VPS13D: variants seen among roughly 807,000 people sequenced by gnomAD.
The protein encoded by VPS13D is vacuolar protein sorting 13 homolog D.
In VPS13D, 187 loss-of-function variants were observed where a neutral mutation model predicts 461.9. That is an observed-to-expected ratio of 0.40 (90% CI 0.36 to 0.46). The LOEUF (loss-of-function observed/expected upper bound fraction) is 0.46, where lower values mean the gene tolerates loss of function less well. Among genes scored for constraint, VPS13D ranks in the 20% least tolerant of loss-of-function variants. The pLI is 0.60. For missense variants in VPS13D, 4,711 were observed against 5,364.9 expected (o/e 0.88, Z 3.81); for synonymous variants, 1,951 against 1,986.3 (o/e 0.98, Z 0.47).
At position 12,314,294 on chromosome 1, in the gene VPS13D, C is replaced by T; in HGVS notation, c.7115C>T (p.Thr2372Ile). 3 of 1,614,178 alleles carry T rather than the reference C, an allele frequency of 1.9e-6. No homozygotes were observed. Among genetic ancestry groups the T allele is most frequent in the Non-Finnish European group, 2.5e-6 (3 of 1,180,012 alleles). Residue 2372 changes from threonine (T) to isoleucine (I), a missense_variant, in exon 30 of 70, where the codon ACC (threonine) becomes ATC (isoleucine). Physicochemically the swap from Thr to Ile is moderately conservative, Grantham distance 89. Coordinates refer to ENST00000620676, the MANE Select transcript of VPS13D (RefSeq NM_015378.4). ...IFQPAKNSST[T>I]QGSIQIELHF... ...CAGCCCGCTAAGAACAGCAGCACCA[C>T]CCAAGGGTCCATTCAGATTGAACTA...
intron 25 of VPS13D, among the ~76,000 whole-genome samples, chr1:12,302,737 T>C (rs1312774024): frequency 6.6e-6 from 1 of 152,148 alleles, no homozygotes; most frequent in East Asian, 1.9e-4. Flanking sequence ...TCTCATTACT[T>C]GAGAAAGCCT....
intron 60 of VPS13D, among the ~76,000 whole-genome samples, chr1:12,393,323 T>C (rs1644452395): frequency 6.6e-6 from 1 of 152,256 alleles, no homozygotes; most frequent in African/African-American, 2.4e-5. Context: ...GGAGAGTTGA[T>C]ATACCCCTGC....
At position 12,282,895 on chromosome 1, in the gene VPS13D, G is replaced by A; in HGVS notation, c.4793G>A (p.Ser1598Asn). Residue 1598 changes from serine (S) to asparagine (N), a missense_variant, in exon 21 of 70, where the codon AGC (serine) becomes AAC (asparagine). Physicochemically the swap from Ser to Asn is conservative, Grantham distance 46 (BLOSUM62 1). Around this residue, in one of 3 missense-constraint regions of VPS13D, gnomAD observed 4,411 missense variants for 4,937.8 expected, o/e 0.89. Transcript: ENST00000620676. The stretch of plus-strand genomic sequence containing the variant: ...GAGAATGGATTGTTCAGCCACTCCA[G>A]CCTTTCTAACACCTCTCAGAAGTCA... ...RKENGLFSHS[S>N]LSNTSQKSLS... The A allele has an allele frequency of 6.2e-7, 1 of 1,614,172 alleles. No individual in the cohort carries two copies. Among genetic ancestry groups the A allele is most frequent in the Non-Finnish European group, 8.5e-7 (1 of 1,180,016 alleles).
intron 2 of VPS13D, among the ~76,000 whole-genome samples, chr1:12,239,779 T>G (rs1002596775): frequency 2.4e-4 from 37 of 152,162 alleles, no homozygotes; most frequent in African/African-American, 8.0e-4. Context: ...ACTCCCAGTT[T>G]AGTGAGTAGA....
intron 57 of VPS13D, 115 bp from the exon 58 acceptor site, chr1:12,382,861 T>C (rs2101649891): frequency 2.1e-6 from 2 of 945,644 alleles, no homozygotes; most frequent in Middle Eastern, 6.0e-4. Context: ...TGCACATTGA[T>C]CATGACCCTC....
intron 67 of VPS13D, among the ~76,000 whole-genome samples, chr1:12,480,148 G>T (rs1045175274): frequency 1.3e-5 from 2 of 152,168 alleles, no homozygotes; most frequent in African/African-American, 4.8e-5. Context: ...ATGAACTACT[G>T]CAGCCTTCCA....
intron 58 of VPS13D, among the ~76,000 whole-genome samples, chr1:12,384,533 G>A (rs868501762): frequency 3.9e-5 from 6 of 152,066 alleles, no homozygotes; most frequent in Non-Finnish European, 5.9e-5. Context: ...AGGTCATAGC[G>A]TAATCAGAAC....
chr1:12,270,366 G>A lies in VPS13D; in HGVS notation c.1973-628G>A, dbSNP rs374861405. Among the ~76,000 whole-genome samples the A allele has an allele frequency of 1.6e-3, 244 of 152,044 alleles. 12 individuals are homozygous for A. The South Asian group carries it at 0.048, about 30-fold the overall frequency. On this transcript the variant is annotated intron_variant, in intron 16 of 69. Transcript: ENST00000620676. ...CAGCTACTCGGGAGGCAGGAGACTC[G>A]CTTGAACCTGGGAGGCGGAGGCTGC...
In VPS13D at chr1:12,277,958, C is replaced by G; in HGVS notation, c.4370C>G (p.Ser1457Cys). ...SEGSRMFCPP[S>C]GSGSANSQEE... ...GGAAGCCGGATGTTTTGCCCACCTTCCGGGTCTGGCAGTGCCAACAGTCAG... is the reference window on the plus strand; with the variant it reads ...GGAAGCCGGATGTTTTGCCCACCTTGCGGGTCTGGCAGTGCCAACAGTCAG... Residue 1457 changes from serine (S) to cysteine (C), a missense_variant, in exon 19 of 70, where the codon TCC (serine) becomes TGC (cysteine). By Grantham distance (112) the Ser-to-Cys change is moderately radical. Transcript: ENST00000620676. 6.2e-7 allele frequency: 1 copy of G among 1,614,208 alleles called. No individual in the cohort carries two copies. The highest frequency in any genetic ancestry group is 8.5e-7 in the Non-Finnish European group (1 of 1,180,034).
intron 31 of VPS13D, among the ~76,000 whole-genome samples, chr1:12,319,094 C>T (rs562072686): frequency 3.9e-5 from 6 of 152,324 alleles, no homozygotes; most frequent in African/African-American, 1.4e-4. Flanking sequence ...TACTTAGATG[C>T]ATAGTGCCTG....
Position 12,336,611 on chromosome 1 carries a change from T to C in VPS13D, c.8551+784T>C, listed in dbSNP as rs374498611. The stretch of plus-strand genomic sequence containing the variant: ...GTCTGCAAACGTGTCATGGGAAGAT[T>C]GGGTGTTCTTAGTGTGTGAAGTAAT... On this transcript the variant is annotated intron_variant, in intron 39 of 69. Coordinates refer to ENST00000620676, the MANE Select transcript of VPS13D (RefSeq NM_015378.4). 40 of 152,300 alleles carry C rather than the reference T, an allele frequency of 2.6e-4. 3 individuals carry two copies. Among genetic ancestry groups the C allele is most frequent in the Admixed American group, 2.1e-3 (32 of 15,294 alleles). The allele number at this position is 152,300 out of a possible 1,614,324, so 9.4% of individuals were successfully genotyped here. A position where few individuals can be genotyped will look rare whatever the true frequency, so the allele number is the denominator to read the frequency against.
At chr1:12,320,626 G>T (rs2101526886) in intron 32 of VPS13D, among the ~76,000 whole-genome samples, 1 of 152,328 alleles carries the variant, frequency 6.6e-6, no homozygotes, top group East Asian at 1.9e-4. Flanking sequence ...ATGCTGGTGT[G>T]ATGTGAGTTG....
intron 44 of VPS13D, among the ~76,000 whole-genome samples, chr1:12,347,459 C>A (rs1016602925): frequency 5.3e-5 from 8 of 152,124 alleles, no homozygotes; most frequent in Non-Finnish European, 1.2e-4. Flanking sequence ...TGTGAGCCAA[C>A]GCGCCCAGCC....
chr1:12,368,462 C>T lies in VPS13D; in HGVS notation c.10449-6C>T. 1 of 1,608,478 alleles carries T rather than the reference C, an allele frequency of 6.2e-7. No individual in the cohort carries two copies. The highest frequency in any genetic ancestry group is 8.5e-7 in the Non-Finnish European group (1 of 1,177,468). On this transcript the variant is annotated splice_polypyrimidine_tract_variant and splice_region_variant and intron_variant, in intron 52 of 69. Transcript: ENST00000620676. The stretch of plus-strand genomic sequence containing the variant: ...ATGTAGCCTCTTTTGTTTCCTTGTC[C>T]TGCAGGGATACCTTGGGAAAATGCT...
intron 65 of VPS13D, among the ~76,000 whole-genome samples, chr1:12,424,233 G>A (rs1404045502): frequency 6.6e-6 from 1 of 152,160 alleles, no homozygotes; most frequent in South Asian, 2.1e-4. Flanking sequence ...TAAGTCACCC[G>A]AGGGATTTCT....
chr1:12,261,864 C>T (rs780896734), intron 12 of VPS13D, 37 bp from the exon 13 acceptor site: 69 of 1,535,766 alleles, frequency 4.5e-5, no homozygotes, highest in African/African-American at 6.9e-5. Context: ...TATTCTTCCA[C>T]GTTTTTTCTT....
chr1:12,384,515 G>A (rs1023758154), intron 58 of VPS13D, among the ~76,000 whole-genome samples: 3 of 152,046 alleles, frequency 2.0e-5, no homozygotes, highest in East Asian at 1.9e-4. Flanking sequence ...TGGGGATAAG[G>A]GTTTATTAGG....
Position 12,390,321 on chromosome 1 carries a change from A to G in VPS13D, c.11634+3987A>G, listed in dbSNP as rs1048641578. 3.9e-5 allele frequency among the ~76,000 whole-genome samples: 6 copies of G among 152,202 alleles called. No individual in the cohort carries two copies. The South Asian group carries it at 1.2e-3, about 32-fold the overall frequency. ...CCTTCTGGAGAACTTTGCCCCAGCT[A>G]TTATCATCTAGTTGGCATTGTAATT... is the stretch of plus-strand genomic sequence containing the variant. On this transcript the variant is annotated intron_variant, in intron 60 of 69. Coordinates refer to ENST00000620676, the MANE Select transcript of VPS13D (RefSeq NM_015378.4).
Position 12,236,424 on chromosome 1 carries a change from A to G in VPS13D, c.97+2061A>G, listed in dbSNP as rs113097414. Among the ~76,000 whole-genome samples, 797 of 152,180 alleles carry G rather than the reference A, an allele frequency of 5.2e-3. 10 individuals carry two copies. Among genetic ancestry groups the G allele is most frequent in the African/African-American group, 0.018 (754 of 41,516 alleles). The stretch of plus-strand genomic sequence containing the variant: ...GAGACAGGGTTTCTTTCTGTCACCC[A>G]GGCTGGAGTGCAGTGGCGTGATTTC... On this transcript the variant is annotated intron_variant, in intron 2 of 69. Coordinates refer to ENST00000620676, the MANE Select transcript of VPS13D (RefSeq NM_015378.4).
Sources: gnomAD v4.1 joint callset for allele counts (sites outside exome capture counted in the v4.1 genomes callset) on GRCh38, gnomAD v4.1.1 for gene constraint, gnomAD v4.1.1 regional missense constraint, MANE v1.5 for transcripts, NCBI Gene and HGNC (gene_info 2026-07-23, HGNC 2026-07-21) for gene names.